Variants in AFAP1 observed in about 807,000 individuals in gnomAD.
The protein encoded by AFAP1 is actin filament associated protein 1.
AFAP1 carries 75 observed loss-of-function variants against 93.9 expected under a neutral mutation model. That is an observed-to-expected ratio of 0.80 (90% CI 0.66 to 0.97). The LOEUF (loss-of-function observed/expected upper bound fraction) is 0.97, where lower values mean the gene tolerates loss of function less well. Among genes scored for constraint, AFAP1 ranks in the 50% least tolerant of loss-of-function variants. The pLI is 0.00. For synonymous variants in AFAP1, 517 were observed against 430.7 expected, an observed-to-expected ratio of 1.20 and a Z score of -2.48; for missense variants, 1,201 against 1,050.8, an observed-to-expected ratio of 1.14 and a Z score of -1.98.
At chr4:7,815,973 T>G in intron 8 of AFAP1, 45 bp downstream of exon 8, 2 of 1,410,664 alleles carry the variant, frequency 1.4e-6, no homozygotes, top group South Asian at 1.2e-5. Context: ...TTGTTTTTGT[T>G]TTTTTTTTTA....
chr4:7,889,433 A>G (rs1718314114), intron 1 of AFAP1, among the ~76,000 whole-genome samples: 1 of 151,232 alleles, frequency 6.6e-6, no homozygotes, highest in African/African-American at 2.4e-5. Context: ...CTGTAGCCCC[A>G]GCTACTCGGG....
At chr4:7,901,977 T>C (rs1384263878) in intron 1 of AFAP1, among the ~76,000 whole-genome samples, 1 of 152,190 alleles carries the variant, frequency 6.6e-6, no homozygotes, top group East Asian at 1.9e-4. Flanking sequence ...CAACTACCAT[T>C]AAAGAAATGC....
intron 10 of AFAP1, among the ~76,000 whole-genome samples, chr4:7,795,525 C>T (rs1365415342): frequency 3.4e-5 from 5 of 145,614 alleles, no homozygotes; most frequent in Admixed American, 7.0e-5. Context: ...TCCCGGATCA[C>T]GCCAGTCTCC....
At position 7,761,047 on chromosome 4, in the gene AFAP1, G is replaced by A; in HGVS notation, c.*2718C>T. On this transcript the variant is annotated 3_prime_UTR_variant, in exon 18 of 18. Coordinates refer to ENST00000420658, the MANE Select transcript of AFAP1 (RefSeq NM_001134647.2). ...ACTCGCAGCTGCCACAGAGGCAAGG[G>A]GTGCTTGTTCCTGGGGCATGTTTTG... 6.6e-6 allele frequency: 1 copy of A among 152,252 alleles called. No homozygotes were observed. The highest frequency in any genetic ancestry group is 1.9e-4 in the East Asian group (1 of 5,196). The allele number at this position is 152,252 out of a possible 1,614,324, so 9.4% of individuals were successfully genotyped here. A position where few individuals can be genotyped will look rare whatever the true frequency, so the allele number is the denominator to read the frequency against.
chr4:7,800,805 A>G (rs1718953805), intron 9 of AFAP1, 152 bp from the exon 10 acceptor site: 7 of 779,910 alleles, frequency 9.0e-6, no homozygotes, highest in Non-Finnish European at 1.4e-5. Context: ...AAATTCGCAT[A>G]AACTAGGAGA....
chr4:7,865,052 G>T (rs1716247522), intron 3 of AFAP1, among the ~76,000 whole-genome samples: 1 of 151,904 alleles, frequency 6.6e-6, no homozygotes, highest in African/African-American at 2.4e-5. Context: ...AAAAGACAGG[G>T]CAACATTCAT....
intron 3 of AFAP1, among the ~76,000 whole-genome samples, chr4:7,859,418 C>T (rs58273475): frequency 0.4 from 61,184 of 151,444 alleles, 14,051 homozygotes; most frequent in Non-Finnish European, 0.51. Flanking sequence ...GACTCTGTCT[C>T]GAAAAAAAAT....
intron 10 of AFAP1, chr4:7,799,178 C>T: frequency 1.3e-6 from 1 of 746,488 alleles, no homozygotes; most frequent in Non-Finnish European, 1.6e-6. Flanking sequence ...AGACTGGAAC[C>T]CAGCTGTCCC....
intron 6 of AFAP1, among the ~76,000 whole-genome samples, chr4:7,830,916 A>G (rs1711539773): frequency 6.6e-6 from 1 of 152,232 alleles, no homozygotes; most frequent in Non-Finnish European, 1.5e-5. Context: ...AAAGCATACC[A>G]AGATAATAAT....
Position 7,939,433 on chromosome 4 carries a change from TG to T in AFAP1, c.-3+222del. ...TCCCCTCCGGGCAGACGCGGGGAGC[TG>T]GGGAGCAGTGGGGACCGGCCCCCAC... On this transcript the variant is annotated intron_variant, in intron 1 of 17. Coordinates refer to ENST00000420658, the MANE Select transcript of AFAP1 (RefSeq NM_001134647.2). The surrounding 1 kb of genome is among the most constrained non-coding windows in gnomAD (Gnocchi z 5.6). 3.4e-6 allele frequency: 1 copy of T among 294,468 alleles called. No homozygotes were observed. Among genetic ancestry groups the T allele is most frequent in the Admixed American group, 5.2e-5 (1 of 19,150 alleles). The allele number at this position is 294,468 out of a possible 1,614,324, so 18.2% of individuals were successfully genotyped here. A position where few individuals can be genotyped will look rare whatever the true frequency, so the allele number is the denominator to read the frequency against.
At chr4:7,938,202 G>C (rs192018397) in intron 1 of AFAP1, among the ~76,000 whole-genome samples, 114 of 151,870 alleles carry the variant, frequency 7.5e-4, no homozygotes, top group African/African-American at 2.6e-3. Flanking sequence ...GGCAGAGAAA[G>C]CAAAAGGGCC....
At chr4:7,777,798 TC>T (rs1304012263) in intron 14 of AFAP1, 8 of 152,248 alleles carry the variant, frequency 5.3e-5, no homozygotes, top group Admixed American at 5.2e-4. Flanking sequence ...CACCTGTAAA[TC>T]CCCACACTGC....
chr4:7,929,011 A>G (rs982839336), intron 1 of AFAP1, among the ~76,000 whole-genome samples: 1 of 152,204 alleles, frequency 6.6e-6, no homozygotes, highest in African/African-American at 2.4e-5. Context: ...CCGATCGCAG[A>G]GGCTTCGGAA....
intron 1 of AFAP1, among the ~76,000 whole-genome samples, chr4:7,882,442 T>C (rs28367487): frequency 6.6e-5 from 10 of 151,516 alleles, no homozygotes; most frequent in African/African-American, 9.7e-5. Flanking sequence ...CTAAACCGAA[T>C]AGAGATAGCA....
At chr4:7,772,623 G>A in intron 16 of AFAP1, 197 bp downstream of exon 16, 2 of 578,324 alleles carry the variant, frequency 3.5e-6, no homozygotes, top group Non-Finnish European at 6.1e-6. Context: ...TCAGCGAGAG[G>A]TGAGAAAGCA....
rs1471096466 is a variant in AFAP1, at chr4:7,766,891, T to G, written c.2418+1953A>C. 2.7e-5 allele frequency among the ~76,000 whole-genome samples: 4 copies of G among 145,818 alleles called. No homozygotes were observed. The East Asian group carries it at 8.2e-4, about 30-fold the overall frequency. On this transcript the variant is annotated intron_variant, in intron 17 of 17. Transcript: ENST00000420658. ...GACTTTCCAGAACCCTCTCTTGCGC[T>G]CAATGCTCCTCACCGAGAGTTGGAA...
intron 11 of AFAP1, among the ~76,000 whole-genome samples, chr4:7,792,244 C>T (rs989076804): frequency 6.6e-6 from 1 of 152,160 alleles, no homozygotes; most frequent in African/African-American, 2.4e-5. Flanking sequence ...TCAATCGACT[C>T]ACATTAAAAT....
chr4:7,779,177 G>A, intron 13 of AFAP1: 1 of 348,594 alleles, frequency 2.9e-6, no homozygotes, highest in Non-Finnish European at 5.3e-6. Flanking sequence ...GGCGCAGGCA[G>A]CTGACTACCC....
At chr4:7,804,565 G>A (rs1034589611) in intron 9 of AFAP1, among the ~76,000 whole-genome samples, 42 of 152,082 alleles carry the variant, frequency 2.8e-4, no homozygotes, top group African/African-American at 7.7e-4. Context: ...AAACCCTCCC[G>A]GTCAGCTGGT....
Sources: gnomAD v4.1 joint callset for allele counts (sites outside exome capture counted in the v4.1 genomes callset) on GRCh38, gnomAD v4.1.1 for gene constraint, Gnocchi (gnomAD v3.1) non-coding constraint, MANE v1.5 for transcripts, NCBI Gene and HGNC (gene_info 2026-07-23, HGNC 2026-07-21) for gene names.